The following KATNAL2 variants were observed in gnomAD, a reference collection of about 807,000 sequenced individuals.
KATNAL2 encodes the protein katanin p60 ATPase-containing subunit A-like 2.
In KATNAL2, 52 loss-of-function variants were observed where a neutral mutation model predicts 76.3. The observed-to-expected ratio is 0.68, with a 90% CI of 0.55 to 0.86. The LOEUF (loss-of-function observed/expected upper bound fraction) is 0.86. KATNAL2 is among the 40% of genes least tolerant of loss of function. The pLI is 0.00. For missense variants in KATNAL2, 660 were observed against 668.9 expected, an observed-to-expected ratio of 0.99 and a Z score of 0.15; for synonymous variants, 243 against 244.2, an observed-to-expected ratio of 1.00 and a Z score of 0.05.
chr18:47,062,022 C>G (rs2061649433), intron 8 of KATNAL2, among the ~76,000 whole-genome samples: 1 of 152,086 alleles, frequency 6.6e-6, no homozygotes, highest in Non-Finnish European at 1.5e-5. Flanking sequence ...TACTTAACCT[C>G]TCTGGACTTA....
In KATNAL2 at chr18:47,069,282, A is replaced by G; in HGVS notation, c.888A>G (p.Pro296=). The change falls in exon 12 of 18, where the codon CCA becomes CCG. Residue 296 remains proline, a splice_region_variant and synonymous_variant. Transcript: ENST00000683218. ...AAGGACTACTGCTGTACGGCCCTCC[A>G]GGTAAACACAGCTTCCTATTTTGAT... ...PWKGLLLYGP[P]GTGKTLLAKA... 1 of 1,606,788 alleles carries G rather than the reference A, an allele frequency of 6.2e-7. No homozygotes were observed. The highest frequency in any genetic ancestry group is 1.3e-5 in the African/African-American group (1 of 74,626).
At chr18:47,095,576 G>A (rs1311770195) in intron 15 of KATNAL2, among the ~76,000 whole-genome samples, 1 of 152,196 alleles carries the variant, frequency 6.6e-6, no homozygotes. Context: ...AAATTACCCA[G>A]TCTCAAGTAT....
intron 4 of KATNAL2, among the ~76,000 whole-genome samples, chr18:47,050,897 A>T (rs1271447811): frequency 6.6e-6 from 1 of 152,224 alleles, no homozygotes; most frequent in Non-Finnish European, 1.5e-5. Context: ...ACAGAGGAAG[A>T]AGGGGCACAG....
In KATNAL2 at chr18:47,034,107, G is replaced by A. The variant is rs765590230; in HGVS notation, c.52-12350G>A. 5.0e-6 allele frequency: 8 copies of A among 1,614,112 alleles called. No homozygotes were observed. The Admixed American group carries it at 1.3e-4, about 27-fold the overall frequency. ...GCTTCCGCAACTGATCGTAGGTGAGGTATTTTTCACATGACAGAGTGGGCT... is the reference window on the plus strand; with the variant it reads ...GCTTCCGCAACTGATCGTAGGTGAGATATTTTTCACATGACAGAGTGGGCT... On this transcript the variant is annotated intron_variant, in intron 3 of 17. Transcript: ENST00000683218.
At chr18:47,054,731 C>A (rs2061424966) in intron 6 of KATNAL2, 2 of 334,998 alleles carry the variant, frequency 6.0e-6, no homozygotes, top group Non-Finnish European at 1.1e-5. Context: ...AGGTTCAACT[C>A]CTGGCTCTGC....
intron 8 of KATNAL2, among the ~76,000 whole-genome samples, chr18:47,061,322 A>G (rs930204116): frequency 6.6e-6 from 1 of 152,230 alleles, no homozygotes; most frequent in African/African-American, 2.4e-5. Context: ...TCATGGCGGA[A>G]GGCAAGGGGA....
At chr18:47,034,188 C>A in intron 3 of KATNAL2, 1 of 1,614,132 alleles carries the variant, frequency 6.2e-7, no homozygotes, top group Non-Finnish European at 8.5e-7. Context: ...AGCTCACGGA[C>A]GTTCTGTCCA....
At chr18:47,044,784 C>A (rs59961368) in intron 3 of KATNAL2, among the ~76,000 whole-genome samples, 9,175 of 135,196 alleles carry the variant, frequency 0.068, 599 homozygotes, top group African/African-American at 0.16. Context: ...AAAACAAAAA[C>A]AAAAACAGTT....
chr18:46,952,653 C>T (rs1313781205), intron 3 of KATNAL2, among the ~76,000 whole-genome samples: 1 of 151,974 alleles, frequency 6.6e-6, no homozygotes, highest in Non-Finnish European at 1.5e-5. Context: ...CCTGCCTCGG[C>T]CTTCTGAAGT....
intron 15 of KATNAL2, among the ~76,000 whole-genome samples, chr18:47,090,356 C>T (rs2062946273): frequency 6.6e-6 from 1 of 152,128 alleles, no homozygotes; most frequent in Non-Finnish European, 1.5e-5. Context: ...ATCTGCCCAC[C>T]TCAGCCTCCC....
intron 10 of KATNAL2, among the ~76,000 whole-genome samples, chr18:47,064,981 T>C (rs1238910023): frequency 6.6e-6 from 1 of 152,166 alleles, no homozygotes; most frequent in African/African-American, 2.4e-5. Context: ...AATACCTAGG[T>C]AAATGAATCT....
rs1454225828 is a variant in KATNAL2 at position 47,100,931 on chromosome 18, A to G, written c.1543A>G (p.Thr515Ala). Residue 515 changes from threonine (T) to alanine (A), a missense_variant, in exon 18 of 18, where the codon ACT becomes GCT. Physicochemically the swap from Thr to Ala is moderately conservative, Grantham distance 58. Transcript: ENST00000683218. Reference sequence around the variant, plus strand: ...CACTGCCGACTTTCTGGATGTGCTAACTCACACCAAGCCCTCCGCAAAGAA... The same window carrying G: ...CACTGCCGACTTTCTGGATGTGCTAGCTCACACCAAGCCCTCCGCAAAGAA... ...VTTADFLDVLTHTKPSAKNLA... is the reference protein window; with the variant it reads ...VTTADFLDVLAHTKPSAKNLA... 6.2e-7 allele frequency: 1 copy of G among 1,614,064 alleles called. No individual in the cohort carries two copies. Among genetic ancestry groups the G allele is most frequent in the South Asian group, 1.1e-5 (1 of 91,060 alleles).
intron 15 of KATNAL2, among the ~76,000 whole-genome samples, chr18:47,095,745 G>C (rs1398415032): frequency 6.6e-6 from 1 of 152,206 alleles, no homozygotes; most frequent in African/African-American, 2.4e-5. Context: ...AACTGGTGTG[G>C]TGTGGGTGCT....
At chr18:47,043,692 A>G (rs2061050956) in intron 3 of KATNAL2, among the ~76,000 whole-genome samples, 1 of 152,224 alleles carries the variant, frequency 6.6e-6, no homozygotes, top group Admixed American at 6.5e-5. Context: ...GAGGTGAGTG[A>G]GTAGAAAGGA....
At chr18:46,925,897 G>A (rs1411041215) in intron 1 of KATNAL2, among the ~76,000 whole-genome samples, 1 of 152,102 alleles carries the variant, frequency 6.6e-6, no homozygotes, top group African/African-American at 2.4e-5. Context: ...ATTCTCTGAT[G>A]GTAGTTTGTA....
chr18:47,039,910 C>G (rs907283144), intron 3 of KATNAL2, among the ~76,000 whole-genome samples: 2 of 152,192 alleles, frequency 1.3e-5, no homozygotes, highest in African/African-American at 4.8e-5. Context: ...GTTAGAACCT[C>G]TAATATGGAG....
intron 1 of KATNAL2, among the ~76,000 whole-genome samples, chr18:46,931,866 A>G (rs2058933493): frequency 6.6e-6 from 1 of 152,054 alleles, no homozygotes; most frequent in African/African-American, 2.4e-5. Context: ...GCAATTATAA[A>G]TAGACAAATC....
At chr18:47,041,092 T>C (rs1016507578) in intron 3 of KATNAL2, among the ~76,000 whole-genome samples, 2 of 152,210 alleles carry the variant, frequency 1.3e-5, no homozygotes, top group South Asian at 4.1e-4. Flanking sequence ...CACAGCCAAA[T>C]TGAACAAAGT....
chr18:47,049,059 G>A (rs1380975603), intron 4 of KATNAL2, among the ~76,000 whole-genome samples: 1 of 151,958 alleles, frequency 6.6e-6, no homozygotes, highest in African/African-American at 2.4e-5. Flanking sequence ...TCCTGCCCTC[G>A]TGATCCACCC....
Sources: gnomAD v4.1 joint callset for allele counts (sites outside exome capture counted in the v4.1 genomes callset) on GRCh38, gnomAD v4.1.1 for gene constraint, MANE v1.5 for transcripts, NCBI Gene and HGNC (gene_info 2026-07-23, HGNC 2026-07-21) for gene names.